DNAL4: variants seen among roughly 807,000 people sequenced by gnomAD.
The protein encoded by DNAL4 is dynein light chain, outer arm 4.
Under a neutral mutation model 12.6 loss-of-function variants are expected in DNAL4, and 10 were observed. The observed-to-expected ratio is 0.79, with a 90% confidence interval of 0.49 to 1.34. DNAL4 has a LOEUF of 1.34. DNAL4 is among the 40% of genes most tolerant of loss of function. The pLI is 0.00. For synonymous variants in DNAL4, 46 were observed against 53.1 expected (o/e 0.87, Z 0.58); for missense variants, 128 against 138.1 (o/e 0.93, Z 0.37).
At position 38,782,629 on chromosome 22, in the gene DNAL4, G is replaced by A; in HGVS notation, c.69+34C>T. 6.2e-7 allele frequency: 1 copy of A among 1,609,258 alleles called. No individual in the cohort carries two copies. Among genetic ancestry groups the A allele is most frequent in the Non-Finnish European group, 8.5e-7 (1 of 1,177,598 alleles). On this transcript the variant is annotated intron_variant, in intron 2 of 3. Coordinates refer to ENST00000216068, the MANE Select transcript of DNAL4 (RefSeq NM_005740.3). This position sits in a 1 kb window ranked among gnomAD's most constrained non-coding sequence, Gnocchi z 5.1. ...CCTCTCTCCAGGCTGTGTGGGCCCT[G>A]CCGGCAGTCCTGCCTCCCTCCCCTG... is the stretch of plus-strand genomic sequence containing the variant.
chr22:38,781,968 G>A (rs528625018), intron 2 of DNAL4, among the ~76,000 whole-genome samples: 2 of 152,312 alleles, frequency 1.3e-5, no homozygotes, highest in East Asian at 3.9e-4. Flanking sequence ...GCTGGAGTGA[G>A]CTTTTGAAAA....
At chr22:38,791,860 T>G (rs1232487032) in intron 1 of DNAL4, among the ~76,000 whole-genome samples, 2 of 150,852 alleles carry the variant, frequency 1.3e-5, no homozygotes, top group East Asian at 1.9e-4. Context: ...CTGGCTAATT[T>G]TTGTGTGTTG....
chr22:38,788,646 A>G (rs1172750517), intron 1 of DNAL4, among the ~76,000 whole-genome samples: 1 of 152,236 alleles, frequency 6.6e-6, no homozygotes, highest in African/African-American at 2.4e-5. Flanking sequence ...GATACAAAGT[A>G]TAAGGAAAGT....
chr22:38,784,233 G>A lies in DNAL4; in HGVS notation c.-139-1363C>T, dbSNP rs182258352. Among the ~76,000 whole-genome samples the A allele has an allele frequency of 1.2e-3, 178 of 152,244 alleles. 2 individuals are homozygous for A. The highest frequency in any genetic ancestry group is 0.011 in the Admixed American group (169 of 15,300). The stretch of plus-strand genomic sequence containing the variant: ...ACATGCATTTACACACCTTGTCATC[G>A]CAACAACCCCGGGAGTTCGGTTCTG... On this transcript the variant is annotated intron_variant, in intron 1 of 3. Transcript: ENST00000216068.
At chr22:38,790,434 G>A (rs1260575810) in intron 1 of DNAL4, among the ~76,000 whole-genome samples, 1 of 152,230 alleles carries the variant, frequency 6.6e-6, no homozygotes, top group East Asian at 1.9e-4. Flanking sequence ...GAGGAATGAT[G>A]CCCAGGAGGA....
intron 1 of DNAL4, among the ~76,000 whole-genome samples, chr22:38,792,890 A>G (rs1441923317): frequency 1.3e-5 from 2 of 152,216 alleles, no homozygotes; most frequent in Non-Finnish European, 2.9e-5. Context: ...GTAAACACAT[A>G]AACAAGTAAC....
At chr22:38,793,039 G>A (rs1162424925) in intron 1 of DNAL4, among the ~76,000 whole-genome samples, 1 of 152,118 alleles carries the variant, frequency 6.6e-6, no homozygotes, top group African/African-American at 2.4e-5. Flanking sequence ...TTGACATTAC[G>A]ATAGCTATGT....
At chr22:38,780,838 T>C in intron 3 of DNAL4, 88 bp downstream of exon 3, 1 of 1,343,068 alleles carries the variant, frequency 7.4e-7, no homozygotes, top group Non-Finnish European at 1.1e-6. Context: ...CAGTACTGTC[T>C]GGAGCCAACT....
chr22:38,779,042 C>T lies in DNAL4; in HGVS notation c.*407G>A, dbSNP rs186954123. 73 of 161,234 alleles carry T rather than the reference C, an allele frequency of 4.5e-4. 1 individual carries two copies. In the East Asian group the frequency reaches 0.013, roughly 28 times the overall value. The allele number at this position is 161,234 out of a possible 1,614,324, so 10.0% of individuals were successfully genotyped here. ...GCCATTTTCATATGACCACTAATGA[C>T]AAGGACGGCCGACACTTCCCGGCAG... On this transcript the variant is annotated 3_prime_UTR_variant, in exon 4 of 4. Coordinates refer to ENST00000216068, the MANE Select transcript of DNAL4 (RefSeq NM_005740.3). This position sits in a 1 kb window ranked among gnomAD's most constrained non-coding sequence, Gnocchi z 4.3.
intron 1 of DNAL4, chr22:38,785,506 G>A (rs951622500): frequency 1.3e-5 from 2 of 152,274 alleles, no homozygotes; most frequent in African/African-American, 4.8e-5. Context: ...GTCAGGGTCT[G>A]TGACAGCTGC....
At chr22:38,780,782 T>C in intron 3 of DNAL4, 144 bp downstream of exon 3, 1 of 792,908 alleles carries the variant, frequency 1.3e-6, no homozygotes, top group East Asian at 2.8e-5. Context: ...CTCACTGACT[T>C]TCCCCAGACT....
chr22:38,787,015 G>C (rs775687112), intron 1 of DNAL4, among the ~76,000 whole-genome samples: 1 of 152,066 alleles, frequency 6.6e-6, no homozygotes, highest in Non-Finnish European at 1.5e-5. Flanking sequence ...CCCCTGGGAG[G>C]GGGGCAGCCA....
chr22:38,786,708 T>C (rs983314271), intron 1 of DNAL4, among the ~76,000 whole-genome samples: 2 of 152,200 alleles, frequency 1.3e-5, no homozygotes, highest in African/African-American at 4.8e-5. Context: ...CCACTACCCC[T>C]GCTCTCCTCC....
chr22:38,789,429 C>A (rs2093047241), intron 1 of DNAL4, among the ~76,000 whole-genome samples: 1 of 152,070 alleles, frequency 6.6e-6, no homozygotes, highest in African/African-American at 2.4e-5. Context: ...GCTTGTGCCA[C>A]CATACTCGGC....
intron 1 of DNAL4, among the ~76,000 whole-genome samples, chr22:38,792,744 G>C (rs1011818774): frequency 4.6e-5 from 7 of 152,186 alleles, no homozygotes; most frequent in African/African-American, 1.7e-4. Flanking sequence ...GCATGGAGCT[G>C]TCATCTCCTA....
intron 1 of DNAL4, among the ~76,000 whole-genome samples, chr22:38,792,335 C>T (rs780738751): frequency 6.6e-6 from 1 of 150,474 alleles, no homozygotes; most frequent in Non-Finnish European, 1.5e-5. Context: ...CAGGCTTGAG[C>T]GCAATGGCGC....
intron 1 of DNAL4, among the ~76,000 whole-genome samples, chr22:38,787,213 G>GTTTTC (rs370089136): frequency 3.3e-5 from 5 of 151,346 alleles, no homozygotes; most frequent in African/African-American, 9.7e-5. Context: ...CTAAGCCTCA[G>GTTTTC]TTTTCTTTTC....
chr22:38,787,923 G>A (rs1165165902), intron 1 of DNAL4, among the ~76,000 whole-genome samples: 1 of 152,182 alleles, frequency 6.6e-6, no homozygotes, highest in African/African-American at 2.4e-5. Context: ...AGCCGGCAAT[G>A]GTAGAACCAG....
At chr22:38,787,704 C>G (rs777573999) in intron 1 of DNAL4, among the ~76,000 whole-genome samples, 16 of 152,234 alleles carry the variant, frequency 1.1e-4, no homozygotes, top group Non-Finnish European at 2.2e-4. Flanking sequence ...ATGTGCAAAC[C>G]ACTGTGGTAG....
Sources: allele counts gnomAD v4.1 joint callset (sites outside exome capture counted in the v4.1 genomes callset), GRCh38; gene constraint gnomAD v4.1.1; non-coding constraint Gnocchi (gnomAD v3.1); transcripts MANE v1.5; gene names NCBI Gene and HGNC (gene_info 2026-07-23, HGNC 2026-07-21).